The following RPA3 variants were observed in gnomAD, a reference collection of about 807,000 sequenced individuals.
RPA3 encodes the protein replication protein A3.
RPA3 carries 24 observed loss-of-function variants against 13.7 expected under a neutral mutation model. That is an observed-to-expected ratio of 1.75 (90% CI 1.27 to 2.46). RPA3 has a LOEUF of 2.46. Among genes scored for constraint, RPA3 ranks in the 30% most tolerant of loss-of-function variants. The pLI is 0.00. For missense variants in RPA3, 183 were observed against 151.0 expected (o/e 1.21, Z -1.11); for synonymous variants, 59 against 51.2 (o/e 1.15, Z -0.65).
intron 5 of RPA3, among the ~76,000 whole-genome samples, chr7:7,639,360 T>G (rs950654873): frequency 2.6e-5 from 4 of 152,196 alleles, no homozygotes; most frequent in Non-Finnish European, 5.9e-5. Flanking sequence ...AAACAAGGAT[T>G]TTTTTTGTAG....
chr7:7,676,291 G>A, intron 4 of RPA3: 1 of 396,232 alleles, frequency 2.5e-6, no homozygotes, highest in Non-Finnish European at 4.4e-6. Context: ...TTATTGAGGG[G>A]AATAAATGAG....
chr7:7,659,601 G>A (rs766108225), intron 4 of RPA3, among the ~76,000 whole-genome samples: 21 of 152,190 alleles, frequency 1.4e-4, no homozygotes, highest in Non-Finnish European at 2.8e-4. Flanking sequence ...CAGTTTCCAT[G>A]TAGTTGTGCA....
chr7:7,661,478 T>C (rs1785472804), intron 4 of RPA3, among the ~76,000 whole-genome samples: 1 of 152,190 alleles, frequency 6.6e-6, no homozygotes, highest in African/African-American at 2.4e-5. Context: ...GCTGGTGACC[T>C]TTCAGTGGGG....
At chr7:7,676,906 T>C (rs181897804) in intron 4 of RPA3, among the ~76,000 whole-genome samples, 3 of 152,248 alleles carry the variant, frequency 2.0e-5, no homozygotes, top group Admixed American at 2.0e-4. Context: ...TTTTAAAAAA[T>C]TGATTTGCTC....
At chr7:7,655,519 G>A (rs1785319401) in intron 4 of RPA3, among the ~76,000 whole-genome samples, 1 of 152,146 alleles carries the variant, frequency 6.6e-6, no homozygotes, top group South Asian at 2.1e-4. Context: ...CTCTATAATT[G>A]ATTTGTAGCT....
chr7:7,678,489 TAA>T (rs1779808031), intron 4 of RPA3, among the ~76,000 whole-genome samples: 1 of 140,968 alleles, frequency 7.1e-6, no homozygotes, highest in African/African-American at 2.6e-5. Flanking sequence ...AATTTATAGA[TAA>T]TATATATTTA....
intron 4 of RPA3, among the ~76,000 whole-genome samples, chr7:7,656,745 T>C (rs1233965073): frequency 6.6e-6 from 1 of 152,190 alleles, no homozygotes; most frequent in Non-Finnish European, 1.5e-5. Context: ...GTTCCAAGTC[T>C]GCTGTTGTGA....
chr7:7,673,225 T>A, intron 4 of RPA3: 2 of 847,864 alleles, frequency 2.4e-6, no homozygotes, highest in South Asian at 1.4e-5. Context: ...TATTGTTATA[T>A]CGTTATGCTG....
rs1487153480 is a variant in RPA3, at chr7:7,637,950, A to C, written c.197T>G (p.Ile66Ser). Residue 66 changes from isoleucine (I) to serine (S), a missense_variant, in exon 7 of 8, where the codon ATT becomes AGT. By Grantham distance (142) the Ile-to-Ser change is moderately radical. Transcript: ENST00000223129. Reference sequence around the variant, plus strand: ...GGTTACTCTTCCAACCACTTCCACAATTCCAGAGATTTCTTCATCAAGCTA... The same window carrying C: ...GGTTACTCTTCCAACCACTTCCACACTTCCAGAGATTTCTTCATCAAGCTA... ...MEPLDEEISG[I>S]VEVVGRVTAK... 6.2e-7 allele frequency: 1 copy of C among 1,613,312 alleles called. No homozygotes were observed. Among genetic ancestry groups the C allele is most frequent in the East Asian group, 2.2e-5 (1 of 44,774 alleles).
chr7:7,672,976 C>T (rs1349157410), intron 4 of RPA3, among the ~76,000 whole-genome samples: 1 of 152,152 alleles, frequency 6.6e-6, no homozygotes, highest in Non-Finnish European at 1.5e-5. Flanking sequence ...TCACCCAAAC[C>T]AGTGTCTGTT....
intron 4 of RPA3, among the ~76,000 whole-genome samples, chr7:7,672,368 G>T (rs1453165388): frequency 6.6e-6 from 1 of 152,130 alleles, no homozygotes; most frequent in Non-Finnish European, 1.5e-5. Flanking sequence ...GCTTGTATTT[G>T]TGTGCGTGTG....
At chr7:7,641,905 C>T (rs1483807295) in intron 4 of RPA3, among the ~76,000 whole-genome samples, 12 of 152,160 alleles carry the variant, frequency 7.9e-5, no homozygotes, top group Non-Finnish European at 1.8e-4. Flanking sequence ...TTAGTGTTTC[C>T]TTAGCACTTA....
rs566746058 is a variant in RPA3 at position 7,700,569 on chromosome 7, A to C, written c.-1027-13241T>G. 7.2e-5 allele frequency among the ~76,000 whole-genome samples: 11 copies of C among 152,136 alleles called. No homozygotes were observed. The East Asian group carries it at 1.7e-3, about 24-fold the overall frequency. ...GTGAGACCCCCATCTCTACAAAATAAAAACAACAAACAAACAAACAAACAA... is the reference window on the plus strand; with the variant it reads ...GTGAGACCCCCATCTCTACAAAATACAAACAACAAACAAACAAACAAACAA... On this transcript the variant is annotated intron_variant, in intron 2 of 7. Transcript: ENST00000223129.
chr7:7,663,040 A>G (rs753650611), intron 4 of RPA3, among the ~76,000 whole-genome samples: 55 of 152,274 alleles, frequency 3.6e-4, no homozygotes, highest in Middle Eastern at 6.8e-3. Context: ...CCCAAACTAG[A>G]AAATAGATTT....
intron 4 of RPA3, among the ~76,000 whole-genome samples, chr7:7,678,325 C>A (rs1021335764): frequency 1.3e-5 from 2 of 150,332 alleles, no homozygotes; most frequent in Non-Finnish European, 3.0e-5. Flanking sequence ...ATTTGCATTT[C>A]TCTGATGATC....
rs368435185 is a variant in RPA3, at chr7:7,664,402, C to T, written c.-758+21428G>A. Among the ~76,000 whole-genome samples, 199 of 152,258 alleles carry T rather than the reference C, an allele frequency of 1.3e-3. 1 individual carries two copies. The highest frequency in any genetic ancestry group is 4.6e-3 in the African/African-American group (192 of 41,550). The stretch of plus-strand genomic sequence containing the variant: ...TCTCTTAAATACTTTGCTCAAGACT[C>T]CAGACTGCCCAGTAATGTCCAACAA... On this transcript the variant is annotated intron_variant, in intron 4 of 7. Transcript: ENST00000223129.
intron 4 of RPA3, among the ~76,000 whole-genome samples, chr7:7,665,700 T>C (rs1779428282): frequency 6.6e-6 from 1 of 152,108 alleles, no homozygotes; most frequent in South Asian, 2.1e-4. Flanking sequence ...TCTGTGTTCC[T>C]CCCCTCCCCA....
chr7:7,644,024 A>T (rs1471170918), intron 4 of RPA3, among the ~76,000 whole-genome samples: 1 of 152,014 alleles, frequency 6.6e-6, no homozygotes, highest in East Asian at 1.9e-4. Context: ...TAAAAAAATG[A>T]TTTCCCCAAA....
intron 4 of RPA3, among the ~76,000 whole-genome samples, chr7:7,685,158 G>A (rs1203735770): frequency 2.0e-5 from 3 of 152,006 alleles, no homozygotes; most frequent in Non-Finnish European, 2.9e-5. Context: ...ATTCATATAG[G>A]GTTGGAAGAC....
Sources: gnomAD v4.1 joint callset for allele counts (sites outside exome capture counted in the v4.1 genomes callset) on GRCh38, gnomAD v4.1.1 for gene constraint, MANE v1.5 for transcripts, NCBI Gene and HGNC (gene_info 2026-07-23, HGNC 2026-07-21) for gene names.